Variants in PHAX observed in about 807,000 individuals in gnomAD.
PHAX encodes phosphorylated adaptor for RNA export, also known as phosphorylated adapter RNA export protein.
In PHAX, 31 loss-of-function variants were observed where a neutral mutation model predicts 41.6. The observed-to-expected ratio is 0.75, with a 90% CI of 0.56 to 1.01. PHAX has a LOEUF of 1.01. Among genes scored for constraint, PHAX ranks in the 50% least tolerant of loss-of-function variants. PHAX has a pLI of 0.00. For synonymous variants in PHAX, 175 were observed against 164.9 expected (o/e 1.06, Z -0.47); for missense variants, 453 against 472.9 (o/e 0.96, Z 0.39).
Position 126,600,962 on chromosome 5 carries a change from G to A in PHAX, c.-1G>A, listed in dbSNP as rs576129069. On this transcript the variant is annotated 5_prime_UTR_variant, in exon 1 of 5. Transcript: ENST00000297540. ...TGTGCAGCGCAGCGCACCGCGGGAA[G>A]ATGGCGTTGGAGGTCGGCGATATGG... The A allele has an allele frequency of 1.9e-6, 3 of 1,603,286 alleles. No homozygotes were observed. Among genetic ancestry groups the A allele is most frequent in the African/African-American group, 2.7e-5 (2 of 73,128 alleles).
At chr5:126,616,943 C>T (rs1307398616) in intron 3 of PHAX, among the ~76,000 whole-genome samples, 1 of 151,092 alleles carries the variant, frequency 6.6e-6, no homozygotes, top group African/African-American at 2.4e-5. Context: ...AACAGAAAAT[C>T]CAGTCATTTG....
At chr5:126,609,861 T>TC (rs1752053896) in intron 3 of PHAX, among the ~76,000 whole-genome samples, 1 of 152,122 alleles carries the variant, frequency 6.6e-6, no homozygotes, top group South Asian at 2.1e-4. Flanking sequence ...TGCCTCAGCC[T>TC]CCCAAGTATG....
intron 2 of PHAX, among the ~76,000 whole-genome samples, chr5:126,604,958 C>G (rs368232474): frequency 4.6e-5 from 7 of 151,734 alleles, no homozygotes; most frequent in Admixed American, 4.6e-4. Context: ...CACTTGAACC[C>G]GGGAGGCGGA....
chr5:126,622,442 A>ATTTT (rs56297404), intron 4 of PHAX, among the ~76,000 whole-genome samples: 5 of 56,068 alleles, frequency 8.9e-5, no homozygotes, highest in African/African-American at 1.9e-4. Context: ...TAATTTTTGT[A>ATTTT]TTTTTTTTTT....
chr5:126,611,045 T>C (rs1752087296), intron 3 of PHAX, among the ~76,000 whole-genome samples: 1 of 130,994 alleles, frequency 7.6e-6, no homozygotes, highest in South Asian at 2.6e-4. Context: ...TTTTTTTCTT[T>C]TCGTTTGTTT....
In PHAX at chr5:126,606,937, A is replaced by G. The variant is rs887647304; in HGVS notation, c.711-1427A>G. On this transcript the variant is annotated intron_variant, in intron 2 of 4. Coordinates refer to ENST00000297540, the MANE Select transcript of PHAX (RefSeq NM_032177.4). ...CTCCCAAAGTGTTGGGATTACAGGC[A>G]TGAGCCACCTCACCTGGCCATATTT... is the stretch of plus-strand genomic sequence containing the variant. Among the ~76,000 whole-genome samples, 5 of 152,184 alleles carry G rather than the reference A, an allele frequency of 3.3e-5. No individual in the cohort carries two copies. In the South Asian group the frequency reaches 1.0e-3, roughly 32 times the overall value.
chr5:126,619,744 G>A (rs186781033), intron 4 of PHAX, among the ~76,000 whole-genome samples: 38 of 152,224 alleles, frequency 2.5e-4, no homozygotes, highest in African/African-American at 9.2e-4. Context: ...GTGTTACTGG[G>A]AATATCTTTT....
chr5:126,613,962 G>C (rs192599658), intron 3 of PHAX, among the ~76,000 whole-genome samples: 2 of 152,022 alleles, frequency 1.3e-5, no homozygotes, highest in East Asian at 3.9e-4. Flanking sequence ...TTTTTGTAGA[G>C]ACAGGGTTTC....
At position 126,625,037 on chromosome 5, in the gene PHAX, TAA is replaced by T. The variant is rs1233335061; in HGVS notation, c.*194_*195del. On this transcript the variant is annotated 3_prime_UTR_variant, in exon 5 of 5. Transcript: ENST00000297540. ...TTAAAGATATATCTGACAAAATACT[TAA>T]GAGTATATAGCACAGGATTTAATTT... The T allele has an allele frequency of 4.2e-5, 24 of 568,424 alleles. No homozygotes were observed. The highest frequency in any genetic ancestry group is 1.1e-4 in the Admixed American group (3 of 27,924). The allele number at this position is 568,424 out of a possible 1,614,324, so 35.2% of individuals were successfully genotyped here.
intron 3 of PHAX, among the ~76,000 whole-genome samples, chr5:126,614,959 G>T (rs1328918176): frequency 6.6e-6 from 1 of 151,990 alleles, no homozygotes; most frequent in African/African-American, 2.4e-5. Context: ...GTTTCACCAT[G>T]TTAGGCTGGT....
intron 4 of PHAX, 77 bp downstream of exon 4, chr5:126,617,410 A>C: frequency 3.9e-6 from 3 of 769,004 alleles, no homozygotes; most frequent in Non-Finnish European, 6.6e-6. Context: ...TTTTCTATGG[A>C]TATGCATTAC....
chr5:126,625,125 T>C lies in PHAX; in HGVS notation c.*281T>C. 1 of 316,694 alleles carries C rather than the reference T, an allele frequency of 3.2e-6. No homozygotes were observed. The highest frequency in any genetic ancestry group is 8.1e-5 in the South Asian group (1 of 12,342). 19.6% of individuals were successfully genotyped at this position (316,694 alleles called of 1,614,324 possible). On this transcript the variant is annotated 3_prime_UTR_variant, in exon 5 of 5. Transcript: ENST00000297540. ...TAGTTGATAATCAGTTTTGTCTAGG[T>C]CATAACATACCATTTGTAAGTTTGT...
chr5:126,624,637 A>T lies in PHAX; in HGVS notation c.978A>T (p.Arg326Ser). 2 of 1,613,474 alleles carry T rather than the reference A, an allele frequency of 1.2e-6. No homozygotes were observed. Among genetic ancestry groups the T allele is most frequent in the Non-Finnish European group, 1.7e-6 (2 of 1,179,500 alleles). The change falls in exon 5 of 5, where the codon AGA (arginine) becomes AGT (serine). Residue 326 changes from arginine to serine, a missense_variant. Transcript: ENST00000297540. ...YENKKAARKR[R>S]TQVLGKKMKQ... Reference sequence around the variant, plus strand: ...ATAAAAAAGCTGCTAGGAAGAGGAGAACACAAGTGTTGGGGAAAAAGATGA... The same window carrying T: ...ATAAAAAAGCTGCTAGGAAGAGGAGTACACAAGTGTTGGGGAAAAAGATGA...
In PHAX at chr5:126,603,870, G is replaced by C. The variant is rs1216731945; in HGVS notation, c.397G>C (p.Glu133Gln). ...QEQNQDAVAT[E>Q]LGILGMEGTI... ...ACAGAATCAAGATGCAGTGGCCACT[G>C]AACTTGGTATCTTGGGAATGGAGGG... The change falls in exon 2 of 5, where the codon GAA (glutamate) becomes CAA (glutamine). Residue 133 changes from glutamate (E) to glutamine (Q), a missense_variant. Coordinates refer to ENST00000297540, the MANE Select transcript of PHAX (RefSeq NM_032177.4). The C allele has an allele frequency of 1.2e-6, 2 of 1,614,086 alleles. No individual in the cohort carries two copies. Among genetic ancestry groups the C allele is most frequent in the East Asian group, 4.5e-5 (2 of 44,884 alleles).
intron 4 of PHAX, among the ~76,000 whole-genome samples, chr5:126,619,822 G>A (rs975189793): frequency 6.6e-6 from 1 of 152,060 alleles, no homozygotes; most frequent in African/African-American, 2.4e-5. Flanking sequence ...TTGTTAATCC[G>A]AGAACATGAT....
chr5:126,611,037 T>G (rs958355078), intron 3 of PHAX, among the ~76,000 whole-genome samples: 3 of 146,252 alleles, frequency 2.1e-5, no homozygotes, highest in African/African-American at 8.0e-5. Flanking sequence ...TTTTTTGTTT[T>G]TTTTCTTTTC....
intron 4 of PHAX, among the ~76,000 whole-genome samples, chr5:126,619,148 A>G (rs1319327497): frequency 6.6e-6 from 1 of 152,088 alleles, no homozygotes; most frequent in African/African-American, 2.4e-5. Flanking sequence ...GCTGGTCTCC[A>G]ACTCCTGGGC....
chr5:126,620,337 T>G (rs1171636632), intron 4 of PHAX, among the ~76,000 whole-genome samples: 1 of 152,214 alleles, frequency 6.6e-6, no homozygotes, highest in Non-Finnish European at 1.5e-5. Context: ...AAGTATGTAC[T>G]TAAAAGATAC....
At chr5:126,603,314 CAA>C (rs1394675761) in intron 1 of PHAX, among the ~76,000 whole-genome samples, 3 of 151,980 alleles carry the variant, frequency 2.0e-5, no homozygotes, top group African/African-American at 4.8e-5. Flanking sequence ...TTAAAGGTGA[CAA>C]GAGCTTTGGT....
Sources: allele counts gnomAD v4.1 joint callset (sites outside exome capture counted in the v4.1 genomes callset), GRCh38; gene constraint gnomAD v4.1.1; transcripts MANE v1.5; gene names NCBI Gene and HGNC (gene_info 2026-07-23, HGNC 2026-07-21).